Variants in BRIP1 observed in about 807,000 individuals in gnomAD.
BRIP1 encodes BRCA1 interacting DNA helicase 1.
BRIP1 carries 88 observed loss-of-function variants against 119.7 expected under a neutral mutation model. That is an observed-to-expected ratio of 0.74 (90% CI 0.62 to 0.88). BRIP1 has a LOEUF of 0.88. Ranked by LOEUF, BRIP1 falls within the 40% of genes least tolerant of loss-of-function variation. The pLI is 0.00. For synonymous variants in BRIP1, 443 were observed against 496.5 expected, an observed-to-expected ratio of 0.89 and a Z score of 1.43; for missense variants, 1,259 against 1,455.4, an observed-to-expected ratio of 0.87 and a Z score of 2.20.
rs2061511397 is a variant in BRIP1 at position 61,695,778 on chromosome 17, C to T, written c.2493-2266G>A. ...TTTAAGTTCATTTTTAGATTTTTGG[C>T]TGCTAGTGAATAAAAATGTCATTGA... is the stretch of plus-strand genomic sequence containing the variant. On this transcript the variant is annotated intron_variant, in intron 17 of 19. Coordinates refer to ENST00000259008, the MANE Select transcript of BRIP1 (RefSeq NM_032043.3). The surrounding 1 kb of genome is among the most constrained non-coding windows in gnomAD (Gnocchi z 4.3). Among the ~76,000 whole-genome samples, 1 of 151,898 alleles carries T rather than the reference C, an allele frequency of 6.6e-6. No homozygotes were observed. Among genetic ancestry groups the T allele is most frequent in the Non-Finnish European group, 1.5e-5 (1 of 67,942 alleles).
intron 10 of BRIP1, among the ~76,000 whole-genome samples, chr17:61,791,487 TC>T (rs1162740743): frequency 2.0e-4 from 1 of 4,978 alleles, no homozygotes; most frequent in Non-Finnish European, 3.3e-4. Flanking sequence ...AGACTTCATC[TC>T]AAAAAAAAAA....
Position 61,699,347 on chromosome 17 carries a change from T to C in BRIP1, c.2493-5835A>G, listed in dbSNP as rs2144245503. On this transcript the variant is annotated intron_variant, in intron 17 of 19. Coordinates refer to ENST00000259008, the MANE Select transcript of BRIP1 (RefSeq NM_032043.3). This position sits in a 1 kb window ranked among gnomAD's most constrained non-coding sequence, Gnocchi z 4.8. ...CTATTTGCTTTCTATATGCCTTACG[T>C]ATTTTGTTCTTCTGTCTTTCCATTA... Among the ~76,000 whole-genome samples, 1 of 152,328 alleles carries C rather than the reference T, an allele frequency of 6.6e-6. No homozygotes were observed. The highest frequency in any genetic ancestry group is 6.5e-5 in the Admixed American group (1 of 15,304).
chr17:61,738,075 A>G lies in BRIP1; in HGVS notation c.2379+4938T>C, dbSNP rs2076941752. Among the ~76,000 whole-genome samples, 1 of 152,194 alleles carries G rather than the reference A, an allele frequency of 6.6e-6. No homozygotes were observed. Among genetic ancestry groups the G allele is most frequent in the African/African-American group, 2.4e-5 (1 of 41,458 alleles). On this transcript the variant is annotated intron_variant, in intron 16 of 19. Coordinates refer to ENST00000259008, the MANE Select transcript of BRIP1 (RefSeq NM_032043.3). The surrounding 1 kb of genome is among the most constrained non-coding windows in gnomAD (Gnocchi z 4.2). ...TAGTCTGTTGGTCCACAAAGAATGA[A>G]ATACAGGTGGAACAGAGCTGACTCA...
At chr17:61,733,107 C>T (rs1031696735) in intron 16 of BRIP1, among the ~76,000 whole-genome samples, 10 of 152,326 alleles carry the variant, frequency 6.6e-5, no homozygotes, top group African/African-American at 2.4e-4. Context: ...TCTTGATATA[C>T]TACAGTCCTT....
chr17:61,859,113 T>C (rs2078938814), intron 3 of BRIP1, among the ~76,000 whole-genome samples: 1 of 151,372 alleles, frequency 6.6e-6, no homozygotes, highest in Non-Finnish European at 1.5e-5. Context: ...AACAATATTA[T>C]ACTAAATTTC....
rs2061502715 is a variant in BRIP1 at position 61,695,131 on chromosome 17, C to T, written c.2493-1619G>A. Among the ~76,000 whole-genome samples, 3 of 151,894 alleles carry T rather than the reference C, an allele frequency of 2.0e-5. No individual in the cohort carries two copies. Among genetic ancestry groups the T allele is most frequent in the African/African-American group, 7.3e-5 (3 of 41,364 alleles). ...AAGAAAATTTATACCTCTGTTTTTG[C>T]CTTTTTCTGTCTTTGATCCACTTTG... On this transcript the variant is annotated intron_variant, in intron 17 of 19. Coordinates refer to ENST00000259008, the MANE Select transcript of BRIP1 (RefSeq NM_032043.3). This position sits in a 1 kb window ranked among gnomAD's most constrained non-coding sequence, Gnocchi z 4.3.
chr17:61,800,506 C>T (rs201379566), intron 8 of BRIP1, among the ~76,000 whole-genome samples: 1 of 152,266 alleles, frequency 6.6e-6, no homozygotes, highest in South Asian at 2.1e-4. Flanking sequence ...CCAGGTCAGA[C>T]TATTGAGCAT....
In BRIP1 at chr17:61,775,459, G is replaced by A. The variant is rs567841258; in HGVS notation, c.2097+942C>T. Among the ~76,000 whole-genome samples the A allele has an allele frequency of 1.8e-4, 28 of 152,182 alleles. No individual in the cohort carries two copies. Among genetic ancestry groups the A allele is most frequent in the African/African-American group, 6.3e-4 (26 of 41,526 alleles). ...ACTTCCAAATGCTTCTGTCCTTAGA[G>A]GTATAACTTCCTGTGGAAAAAAGAG... On this transcript the variant is annotated intron_variant, in intron 14 of 19. Transcript: ENST00000259008. The surrounding 1 kb of genome is among the most constrained non-coding windows in gnomAD (Gnocchi z 4.4).
At chr17:61,723,874 C>T (rs529454757) in intron 16 of BRIP1, among the ~76,000 whole-genome samples, 16 of 152,134 alleles carry the variant, frequency 1.1e-4, no homozygotes, top group Non-Finnish European at 2.1e-4. Flanking sequence ...GTGGCCCTTA[C>T]TGTGGCTTAA....
At chr17:61,787,866 A>C (rs914982410) in intron 10 of BRIP1, among the ~76,000 whole-genome samples, 2 of 151,954 alleles carry the variant, frequency 1.3e-5, no homozygotes, top group Non-Finnish European at 2.9e-5. Flanking sequence ...GGATGGTCTC[A>C]ATCTCCTGAC....
At chr17:61,727,163 A>G (rs775882495) in intron 16 of BRIP1, among the ~76,000 whole-genome samples, 20 of 152,176 alleles carry the variant, frequency 1.3e-4, no homozygotes, top group Non-Finnish European at 2.5e-4. Context: ...TGCTCATGGA[A>G]GAGGCTTTTG....
Position 61,758,911 on chromosome 17 carries a change from C to G in BRIP1, c.2098-14320G>C, listed in dbSNP as rs2077235968. On this transcript the variant is annotated intron_variant, in intron 14 of 19. Coordinates refer to ENST00000259008, the MANE Select transcript of BRIP1 (RefSeq NM_032043.3). The surrounding 1 kb of genome is among the most constrained non-coding windows in gnomAD (Gnocchi z 5.3). ...CCTGTAGTACCAGCTACTCAGGAGG[C>G]TGAGGTTGATCCCTTCAACCCAGGA... Among the ~76,000 whole-genome samples, 1 of 151,804 alleles carries G rather than the reference C, an allele frequency of 6.6e-6. No individual in the cohort carries two copies. Among genetic ancestry groups the G allele is most frequent in the Admixed American group, 6.6e-5 (1 of 15,228 alleles).
chr17:61,786,411 G>A (rs1466961606), intron 10 of BRIP1, among the ~76,000 whole-genome samples: 2 of 151,770 alleles, frequency 1.3e-5, no homozygotes, highest in Non-Finnish European at 2.9e-5. Flanking sequence ...AGTGAGAATT[G>A]GGATTGAGGA....
Position 61,679,403 on chromosome 17 carries a change from C to A in BRIP1, c.*3893G>T, listed in dbSNP as rs1432935589. ...GAAACATCTACTCTTTACATTGTAC[C>A]TTTATTCCAAGAATAAAGCCCTGTC... On this transcript the variant is annotated 3_prime_UTR_variant, in exon 20 of 20. Transcript: ENST00000259008. This position sits in a 1 kb window ranked among gnomAD's most constrained non-coding sequence, Gnocchi z 4.4. Among the ~76,000 whole-genome samples the A allele has an allele frequency of 6.6e-6, 1 of 152,086 alleles. No individual in the cohort carries two copies.
rs1246057175 is a variant in BRIP1 at position 61,687,563 on chromosome 17, C to T, written c.2576-1398G>A. ...AAATTGAAAAGGTAGAGTCTACACC[C>T]ACACATGGCTAATCTAAAACAAAAT... On this transcript the variant is annotated intron_variant, in intron 18 of 19. Transcript: ENST00000259008. This position sits in a 1 kb window ranked among gnomAD's most constrained non-coding sequence, Gnocchi z 5.1. Among the ~76,000 whole-genome samples, 1 of 152,110 alleles carries T rather than the reference C, an allele frequency of 6.6e-6. No individual in the cohort carries two copies. Among genetic ancestry groups the T allele is most frequent in the Non-Finnish European group, 1.5e-5 (1 of 68,002 alleles).
chr17:61,811,443 G>T (rs545617420), intron 6 of BRIP1, among the ~76,000 whole-genome samples: 2 of 151,606 alleles, frequency 1.3e-5, no homozygotes, highest in African/African-American at 4.8e-5. Flanking sequence ...AGCTGGTCTC[G>T]AACTCCCGAA....
In BRIP1 at chr17:61,861,639, G is replaced by C; in HGVS notation, c.-30-70C>G. The C allele has an allele frequency of 1.2e-6, 1 of 833,030 alleles. No individual in the cohort carries two copies. Among genetic ancestry groups the C allele is most frequent in the East Asian group, 2.5e-5 (1 of 39,766 alleles). 51.6% of individuals were successfully genotyped at this position (833,030 alleles called of 1,614,324 possible). On this transcript the variant is annotated intron_variant, in intron 1 of 19. Transcript: ENST00000259008. This position sits in a 1 kb window ranked among gnomAD's most constrained non-coding sequence, Gnocchi z 4.5. The stretch of plus-strand genomic sequence containing the variant: ...AAGAAAACCAGAGAACCAAAACTAA[G>C]GGAGAAATCTGGAAACAGAAACTGG...
rs730881637 is a variant in BRIP1 at position 61,857,078 on chromosome 17, C to T, written c.359G>A (p.Gly120Asp). ...YPSTPPSERNGTSSTCQDSPE... is the reference protein window; with the variant it reads ...YPSTPPSERNDTSSTCQDSPE... ...ATTACCTTGACAAGTTGATGAAGTG[C>T]CATTTCTTTCAGAAGGTGGTGTGCT... Residue 120 changes from glycine to aspartate, a missense_variant, in exon 4 of 20, where the codon GGC (glycine) becomes GAC (aspartate). Physicochemically the swap from Gly to Asp is moderately conservative, Grantham distance 94. This residue lies in a region of BRIP1 where 501 missense variants were observed against 544.0 expected (regional missense o/e 0.92). Transcript: ENST00000259008. This position sits in a 1 kb window ranked among gnomAD's most constrained non-coding sequence, Gnocchi z 5.1. 1.2e-6 allele frequency: 2 copies of T among 1,613,972 alleles called. No individual in the cohort carries two copies. The highest frequency in any genetic ancestry group is 1.7e-5 in the Admixed American group (1 of 60,006).
At chr17:61,697,336 C>CAAAAAAAAAAAAAAAAAAAA (rs55963888) in intron 17 of BRIP1, among the ~76,000 whole-genome samples, 1 of 59,142 alleles carries the variant, frequency 1.7e-5, no homozygotes, top group Non-Finnish European at 2.9e-5. Context: ...GACTCTGTCT[C>CAAAAAAAAAAAAAAAAAAAA]AAAAAAAAAA....
Sources: allele counts gnomAD v4.1 joint callset (sites outside exome capture counted in the v4.1 genomes callset), GRCh38; gene constraint gnomAD v4.1.1; regional missense constraint gnomAD v4.1.1; non-coding constraint Gnocchi (gnomAD v3.1); transcripts MANE v1.5; gene names NCBI Gene and HGNC (gene_info 2026-07-23, HGNC 2026-07-21).